Variants in SYBU observed in about 807,000 individuals in gnomAD.
SYBU encodes GOLSYN A protein.
In SYBU, 21 loss-of-function variants were observed where a neutral mutation model predicts 35.9. The observed-to-expected ratio is 0.58, with a 90% CI of 0.41 to 0.84. The LOEUF is 0.84. Among genes scored for constraint, SYBU ranks in the 40% least tolerant of loss-of-function variants. The pLI is 0.00. For synonymous variants in SYBU, 319 were observed against 324.3 expected (o/e 0.98, Z 0.18); for missense variants, 768 against 848.2 (o/e 0.91, Z 1.17).
intron 3 of SYBU, among the ~76,000 whole-genome samples, chr8:109,595,129 C>T (rs1182062181): frequency 6.6e-6 from 1 of 152,042 alleles, no homozygotes; most frequent in Non-Finnish European, 1.5e-5. Flanking sequence ...CTCTTTGAAC[C>T]ATATCAAGGT....
intron 1 of SYBU, among the ~76,000 whole-genome samples, chr8:109,657,373 A>T (rs1397433097): frequency 1.3e-5 from 2 of 152,226 alleles, no homozygotes; most frequent in Non-Finnish European, 2.9e-5. Flanking sequence ...TAAATCAGAA[A>T]GAATATGACA....
intron 3 of SYBU, among the ~76,000 whole-genome samples, chr8:109,617,430 C>T (rs1312277301): frequency 1.3e-5 from 2 of 152,096 alleles, no homozygotes; most frequent in East Asian, 3.9e-4. Context: ...TTTGAATAGG[C>T]TAAAAACTAT....
At chr8:109,601,675 T>C (rs905885365) in intron 3 of SYBU, among the ~76,000 whole-genome samples, 1 of 151,838 alleles carries the variant, frequency 6.6e-6, no homozygotes, top group African/African-American at 2.4e-5. Flanking sequence ...AAGAATATAG[T>C]GTTGGGGGCA....
intron 1 of SYBU, among the ~76,000 whole-genome samples, chr8:109,687,694 T>C (rs1308812436): frequency 1.3e-5 from 2 of 152,176 alleles, no homozygotes. Flanking sequence ...CTAGATTTTT[T>C]TTCTCTTATT....
intron 1 of SYBU, among the ~76,000 whole-genome samples, chr8:109,688,412 T>A (rs1301473801): frequency 6.6e-6 from 1 of 152,214 alleles, no homozygotes; most frequent in African/African-American, 2.4e-5. Flanking sequence ...TGCCAGTACC[T>A]GCTGTCGGTC....
intron 3 of SYBU, chr8:109,603,390 T>C (rs918169701): frequency 1.1e-5 from 11 of 985,094 alleles, no homozygotes; most frequent in Middle Eastern, 5.2e-4. Context: ...AATTATGCTC[T>C]GCATTTCCTT....
chr8:109,627,505 CAT>C (rs1345903843), intron 2 of SYBU, among the ~76,000 whole-genome samples: 1 of 152,078 alleles, frequency 6.6e-6, no homozygotes, highest in Non-Finnish European at 1.5e-5. Context: ...TAATTATTAT[CAT>C]ATAATTTTAA....
chr8:109,690,797 A>G (rs1442473470), intron 1 of SYBU, among the ~76,000 whole-genome samples: 1 of 152,170 alleles, frequency 6.6e-6, no homozygotes, highest in Non-Finnish European at 1.5e-5. Flanking sequence ...TTAATGGAAA[A>G]TGGCTCATCC....
chr8:109,634,265 C>A (rs1005207052), intron 2 of SYBU, among the ~76,000 whole-genome samples: 1 of 152,100 alleles, frequency 6.6e-6, no homozygotes, highest in Non-Finnish European at 1.5e-5. Flanking sequence ...TTGAGTGGGG[C>A]ATTTTCTGGT....
chr8:109,657,256 C>A (rs143952707), intron 1 of SYBU, among the ~76,000 whole-genome samples: 7 of 152,210 alleles, frequency 4.6e-5, no homozygotes, highest in African/African-American at 1.4e-4. Flanking sequence ...TCTATTATTG[C>A]CCTTTATTGT....
At chr8:109,621,613 A>G (rs558629842) in intron 2 of SYBU, among the ~76,000 whole-genome samples, 33 of 152,330 alleles carry the variant, frequency 2.2e-4, no homozygotes, top group African/African-American at 7.9e-4. Flanking sequence ...CCTGGCACTG[A>G]ACCAGCCCAC....
chr8:109,636,162 C>G lies in SYBU; in HGVS notation c.229+6566G>C, dbSNP rs140650021. ...ACCTGCCTGCCTTTCTGTCTCATTT[C>G]ATGCTTTTAACTCAAATTTGCTGAT... On this transcript the variant is annotated intron_variant, in intron 2 of 6. Transcript: ENST00000276646. Among the ~76,000 whole-genome samples, 419 of 152,298 alleles carry G rather than the reference C, an allele frequency of 2.8e-3. 2 individuals carry two copies. Among genetic ancestry groups the G allele is most frequent in the African/African-American group, 9.6e-3 (399 of 41,568 alleles).
chr8:109,604,872 G>T (rs541711688), intron 3 of SYBU, among the ~76,000 whole-genome samples: 1 of 152,208 alleles, frequency 6.6e-6, no homozygotes, highest in African/African-American at 2.4e-5. Flanking sequence ...AGTCAGGCCC[G>T]CCAGTAGTCT....
intron 2 of SYBU, among the ~76,000 whole-genome samples, chr8:109,620,180 T>G (rs867854156): frequency 2.0e-4 from 30 of 152,224 alleles, no homozygotes; most frequent in Admixed American, 1.3e-4. Flanking sequence ...TACTTAAAAG[T>G]ACATCTACTC....
rs1005412743 is a variant in SYBU, at chr8:109,584,016, C to T, written c.530+2044G>A. On this transcript the variant is annotated intron_variant, in intron 4 of 6. Transcript: ENST00000276646. The surrounding 1 kb of genome is among the most constrained non-coding windows in gnomAD (Gnocchi z 4.0). Reference sequence around the variant, plus strand: ...TATTTTTAGTAGACACGGGGTTTCACCATATTAGCCAGGCTGGTCTTGAAC... The same window carrying T: ...TATTTTTAGTAGACACGGGGTTTCATCATATTAGCCAGGCTGGTCTTGAAC... Among the ~76,000 whole-genome samples, 9 of 151,588 alleles carry T rather than the reference C, an allele frequency of 5.9e-5. No individual in the cohort carries two copies. The highest frequency in any genetic ancestry group is 1.9e-4 in the African/African-American group (8 of 41,190).
At chr8:109,662,037 T>C (rs1002412127) in intron 1 of SYBU, among the ~76,000 whole-genome samples, 5 of 152,218 alleles carry the variant, frequency 3.3e-5, no homozygotes, top group Non-Finnish European at 7.3e-5. Context: ...TCAAATTATA[T>C]GTCATTTTTA....
At chr8:109,593,166 T>C (rs1310045280) in intron 3 of SYBU, among the ~76,000 whole-genome samples, 1 of 152,160 alleles carries the variant, frequency 6.6e-6, no homozygotes, top group Non-Finnish European at 1.5e-5. Flanking sequence ...CTATAGCTGA[T>C]TGTGCAGCAG....
At chr8:109,657,715 A>G (rs1319161786) in intron 1 of SYBU, among the ~76,000 whole-genome samples, 2 of 152,200 alleles carry the variant, frequency 1.3e-5, no homozygotes, top group African/African-American at 4.8e-5. Flanking sequence ...AGGCTTTTCA[A>G]TCTGAAACCT....
At chr8:109,604,957 C>A (rs572037007) in intron 3 of SYBU, among the ~76,000 whole-genome samples, 2 of 152,284 alleles carry the variant, frequency 1.3e-5, no homozygotes, top group South Asian at 4.1e-4. Flanking sequence ...GTACAAGAAG[C>A]CAAACACTCA....
Sources: allele counts gnomAD v4.1 joint callset (sites outside exome capture counted in the v4.1 genomes callset), GRCh38; gene constraint gnomAD v4.1.1; non-coding constraint Gnocchi (gnomAD v3.1); transcripts MANE v1.5; gene names NCBI Gene and HGNC (gene_info 2026-07-23, HGNC 2026-07-21).